The following PTN variants were observed in gnomAD, a reference collection of about 807,000 sequenced individuals.
The protein encoded by PTN is pleiotrophin.
In PTN, 18 loss-of-function variants were observed where a neutral mutation model predicts 24.1. The observed-to-expected ratio is 0.75, with a 90% CI of 0.52 to 1.11. The LOEUF (loss-of-function observed/expected upper bound fraction) is 1.11, where lower values mean the gene tolerates loss of function less well. PTN is among the 50% of genes least tolerant of loss of function. The probability of loss-of-function intolerance (pLI) is 0.00; values close to 1 mark genes in which losing one functional copy is unlikely to be tolerated. For synonymous variants in PTN, 78 were observed against 68.6 expected (o/e 1.14, Z -0.67); for missense variants, 163 against 198.8 (o/e 0.82, Z 1.08).
intron 1 of PTN, among the ~76,000 whole-genome samples, chr7:137,334,689 C>T (rs1186374839): frequency 7.0e-6 from 1 of 142,966 alleles, no homozygotes; most frequent in East Asian, 2.1e-4. Context: ...CATCCCATTA[C>T]TGGGTATATA....
intron 1 of PTN, among the ~76,000 whole-genome samples, chr7:137,322,082 C>T (rs542020252): frequency 1.1e-4 from 17 of 152,240 alleles, no homozygotes; most frequent in Admixed American, 9.8e-4. Context: ...CTCCTTCCCT[C>T]GTACGTAGAC....
intron 4 of PTN, among the ~76,000 whole-genome samples, chr7:137,235,313 T>C (rs1318755214): frequency 6.6e-6 from 1 of 152,126 alleles, no homozygotes; most frequent in Non-Finnish European, 1.5e-5. Context: ...ACGTCAGCTA[T>C]GCCTCAGAAC....
At chr7:137,278,034 G>T (rs548137871) in intron 1 of PTN, among the ~76,000 whole-genome samples, 2 of 151,858 alleles carry the variant, frequency 1.3e-5, no homozygotes, top group African/African-American at 2.4e-5. Context: ...TGGGCCGGGC[G>T]CGGTGGCTCA....
chr7:137,298,492 T>G (rs1017157181), intron 1 of PTN, among the ~76,000 whole-genome samples: 9 of 151,920 alleles, frequency 5.9e-5, no homozygotes, highest in African/African-American at 1.9e-4. Flanking sequence ...TTATAATTCA[T>G]GTCAAAAAAT....
intron 1 of PTN, among the ~76,000 whole-genome samples, chr7:137,275,669 G>C (rs1374148466): frequency 6.7e-6 from 1 of 148,606 alleles, no homozygotes; most frequent in Non-Finnish European, 1.5e-5. Context: ...AATTGTATTG[G>C]CAAACTGAAT....
intron 1 of PTN, among the ~76,000 whole-genome samples, chr7:137,273,535 T>C (rs1585024011): frequency 6.6e-6 from 1 of 152,090 alleles, no homozygotes; most frequent in Non-Finnish European, 1.5e-5. Flanking sequence ...ACCAAATACT[T>C]ATGAAACCAC....
chr7:137,242,426 A>G (rs1563197051), intron 4 of PTN, among the ~76,000 whole-genome samples: 1 of 152,058 alleles, frequency 6.6e-6, no homozygotes, highest in Non-Finnish European at 1.5e-5. Flanking sequence ...AGGGACTGAC[A>G]TTCATTCCCT....
Position 137,238,857 on chromosome 7 carries a change from T to C in PTN, c.452-10782A>G, listed in dbSNP as rs144849824. 9.9e-3 allele frequency among the ~76,000 whole-genome samples: 1,511 copies of C among 152,196 alleles called. 23 individuals are homozygous for C. The highest frequency in any genetic ancestry group is 0.035 in the African/African-American group (1,435 of 41,518). On this transcript the variant is annotated intron_variant, in intron 4 of 4. Coordinates refer to ENST00000348225, the MANE Select transcript of PTN (RefSeq NM_002825.7). ...TAGGATACACTTTTACAATACTCAA[T>C]AAATAACAACAGGTACAACTTAAAA...
At chr7:137,262,348 T>C (rs948588766) in intron 1 of PTN, among the ~76,000 whole-genome samples, 1 of 152,204 alleles carries the variant, frequency 6.6e-6, no homozygotes, top group Non-Finnish European at 1.5e-5. Context: ...TTGTGTCCCT[T>C]CTAGTTTAGT....
intron 1 of PTN, among the ~76,000 whole-genome samples, chr7:137,322,298 T>C: frequency 6.6e-6 from 1 of 152,324 alleles, no homozygotes; most frequent in Non-Finnish European, 1.5e-5. Context: ...TGGATGGATG[T>C]TTTCAACTGG....
At chr7:137,279,715 G>A (rs1224173439) in intron 1 of PTN, among the ~76,000 whole-genome samples, 5 of 152,086 alleles carry the variant, frequency 3.3e-5, no homozygotes, top group East Asian at 3.8e-4. Context: ...ATTTAGTGAC[G>A]CTATATTTTA....
At chr7:137,333,038 G>A (rs376180483) in intron 1 of PTN, among the ~76,000 whole-genome samples, 18 of 152,312 alleles carry the variant, frequency 1.2e-4, no homozygotes, top group Middle Eastern at 3.4e-3. Flanking sequence ...GATGGGAAGA[G>A]TTTGGGTCAT....
At chr7:137,308,354 A>C (rs1479327679) in intron 1 of PTN, among the ~76,000 whole-genome samples, 1 of 152,214 alleles carries the variant, frequency 6.6e-6, no homozygotes, top group Non-Finnish European at 1.5e-5. Context: ...GAAAAGAAAA[A>C]TCAGTACAGA....
intron 1 of PTN, among the ~76,000 whole-genome samples, chr7:137,307,968 AAC>A (rs1809916850): frequency 6.6e-6 from 1 of 152,156 alleles, no homozygotes. Context: ...GGAAGGGAGA[AAC>A]AGCTTCATCT....
At chr7:137,250,425 T>C (rs1808803990) in intron 4 of PTN, among the ~76,000 whole-genome samples, 1 of 152,170 alleles carries the variant, frequency 6.6e-6, no homozygotes, top group Non-Finnish European at 1.5e-5. Context: ...CCAGCTGCAC[T>C]GGATTAGGGC....
intron 1 of PTN, among the ~76,000 whole-genome samples, chr7:137,332,772 T>C (rs1810380214): frequency 6.6e-6 from 1 of 152,116 alleles, no homozygotes; most frequent in South Asian, 2.1e-4. Context: ...CCAAAGTATG[T>C]TTTTTAAGCC....
At chr7:137,309,288 T>C (rs1267505042) in intron 1 of PTN, among the ~76,000 whole-genome samples, 1 of 152,230 alleles carries the variant, frequency 6.6e-6, no homozygotes, top group Non-Finnish European at 1.5e-5. Context: ...AATTTTAAAA[T>C]ATTGTATTGC....
At chr7:137,256,846 T>A (rs889625673) in intron 1 of PTN, among the ~76,000 whole-genome samples, 2 of 152,042 alleles carry the variant, frequency 1.3e-5, no homozygotes, top group East Asian at 3.9e-4. Context: ...CATCAAAAAC[T>A]GGGCAAAGGA....
chr7:137,239,209 G>T (rs1808576411), intron 4 of PTN, among the ~76,000 whole-genome samples: 1 of 152,134 alleles, frequency 6.6e-6, no homozygotes, highest in East Asian at 1.9e-4. Context: ...TGAGCTCATT[G>T]TGCCTTCACA....
Sources: gnomAD v4.1 joint callset for allele counts (sites outside exome capture counted in the v4.1 genomes callset) on GRCh38, gnomAD v4.1.1 for gene constraint, MANE v1.5 for transcripts, NCBI Gene and HGNC (gene_info 2026-07-23, HGNC 2026-07-21) for gene names.